GAB3: variants seen among roughly 807,000 people sequenced by gnomAD.
The protein encoded by GAB3 is GRB2 associated binding protein 3.
GAB3 carries 12 observed loss-of-function variants against 40.4 expected under a neutral mutation model. The ratio of observed to expected loss-of-function variants is 0.30; its 90% CI spans 0.19 to 0.48. The LOEUF (loss-of-function observed/expected upper bound fraction) is 0.48, where lower values mean the gene tolerates loss of function less well. Ranked by LOEUF, GAB3 falls within the 20% of genes least tolerant of loss-of-function variation. The pLI is 0.99. For missense variants in GAB3, 381 were observed against 461.9 expected (o/e 0.82, Z 1.61); for synonymous variants, 154 against 176.7 (o/e 0.87, Z 1.02).
chrX:154,721,886 C>A (rs2071138179), intron 1 of GAB3, among the ~76,000 whole-genome samples: 1 of 111,548 alleles, frequency 9.0e-6, no homozygotes, highest in South Asian at 3.7e-4. Flanking sequence ...AGACCTACCA[C>A]ATGACCCAGC....
chrX:154,712,361 G>C lies in GAB3; in HGVS notation c.937C>G (p.Pro313Ala), dbSNP rs2070963155. The C allele has an allele frequency of 6.6e-6, 8 of 1,209,958 alleles. No homozygotes were observed. The highest frequency in any genetic ancestry group is 2.2e-5 in the Admixed American group (1 of 45,789). The change falls in exon 4 of 10, where the codon CCT becomes GCT. Residue 313 changes from proline (P) to alanine (A), a missense_variant. Physicochemically the swap from Pro to Ala is conservative, Grantham distance 27. Transcript: ENST00000424127. ...IMSNTPPPRP[P>A]KPSHLSERRQ... ...CGTTCAGACAGATGGCTTGGCTTAG[G>C]GGGGCGGGGAGGTGGAGTGTTGGAC...
intron 8 of GAB3, among the ~76,000 whole-genome samples, chrX:154,687,138 G>C (rs1194818779): frequency 9.1e-6 from 1 of 110,390 alleles, no homozygotes; most frequent in Non-Finnish European, 1.9e-5. Flanking sequence ...GTTGCAGTGA[G>C]TCGAGATTGT....
intron 1 of GAB3, among the ~76,000 whole-genome samples, chrX:154,723,665 G>A (rs2071169699): frequency 9.0e-6 from 1 of 111,570 alleles, no homozygotes; most frequent in Admixed American, 9.5e-5. Context: ...CTGCTGGGTA[G>A]GTCATGAGCA....
chrX:154,708,865 C>A (rs782050462), intron 4 of GAB3, among the ~76,000 whole-genome samples: 2 of 111,916 alleles, frequency 1.8e-5, no homozygotes, highest in Non-Finnish European at 3.8e-5. Context: ...GGATACATAT[C>A]CAAAAGAAAT....
At chrX:154,725,692 T>C (rs2071202889) in intron 1 of GAB3, among the ~76,000 whole-genome samples, 2 of 111,020 alleles carry the variant, frequency 1.8e-5, no homozygotes, top group East Asian at 2.8e-4. Flanking sequence ...TTCATGTGTG[T>C]AGAGTGAAAC....
Position 154,676,023 on chromosome X carries a change from A to G in GAB3, c.*2155T>C, listed in dbSNP as rs2070291308. ...AAAATTCTGACCCCTATCGCCTTCCATACCTTTAATGTAGAGAGTGCCTAT... is the reference window on the plus strand; with the variant it reads ...AAAATTCTGACCCCTATCGCCTTCCGTACCTTTAATGTAGAGAGTGCCTAT... On this transcript the variant is annotated 3_prime_UTR_variant, in exon 10 of 10. Transcript: ENST00000424127. 8.9e-6 allele frequency: 1 copy of G among 112,108 alleles called. No homozygotes were observed. The highest frequency in any genetic ancestry group is 3.7e-4 in the South Asian group (1 of 2,698). 9.2% of individuals were successfully genotyped at this position (112,108 alleles called of 1,213,427 possible).
intron 1 of GAB3, among the ~76,000 whole-genome samples, chrX:154,731,193 G>A (rs1557259932): frequency 8.9e-6 from 1 of 112,181 alleles, no homozygotes; most frequent in Non-Finnish European, 1.9e-5. Flanking sequence ...AAACCTGGGA[G>A]GGTCACTAAT....
chrX:154,705,879 A>G (rs2070800239), intron 4 of GAB3, among the ~76,000 whole-genome samples: 1 of 112,297 alleles, frequency 8.9e-6, no homozygotes, highest in Non-Finnish European at 1.9e-5. Flanking sequence ...CTGATAAATG[A>G]ATTTAGTAAG....
At chrX:154,707,409 T>C (rs2070828359) in intron 4 of GAB3, among the ~76,000 whole-genome samples, 1 of 112,501 alleles carries the variant, frequency 8.9e-6, no homozygotes. Context: ...TTGATTTTAA[T>C]CATTCCATGA....
At chrX:154,691,936 A>T (rs972055772) in intron 8 of GAB3, among the ~76,000 whole-genome samples, 1 of 111,997 alleles carries the variant, frequency 8.9e-6, no homozygotes, top group Non-Finnish European at 1.9e-5. Flanking sequence ...TTTCCAACAA[A>T]TGGTGCTGGG....
At chrX:154,707,753 A>G (rs2070834320) in intron 4 of GAB3, among the ~76,000 whole-genome samples, 1 of 112,124 alleles carries the variant, frequency 8.9e-6, no homozygotes, top group African/African-American at 3.2e-5. Context: ...TGTTAAAGAA[A>G]AAACAAAGCT....
chrX:154,712,230 T>C lies in GAB3; in HGVS notation c.1068A>G (p.Lys356=). ...LSGLDNMRTW[K]ADVEGQSLRH... is the part of the protein sequence containing the mutation. ...TGAATCTTAGGACCCAACACTTACC[T>C]TTCCAGGTTCTCATGTTGTCTAAAC... is the stretch of plus-strand genomic sequence containing the variant. Residue 356 remains lysine (K), a splice_region_variant and synonymous_variant, in exon 4 of 10, where the codon AAA becomes AAG. Transcript: ENST00000424127. 8.5e-7 allele frequency: 1 copy of C among 1,176,474 alleles called. No individual in the cohort carries two copies. The highest frequency in any genetic ancestry group is 1.9e-5 in the South Asian group (1 of 52,681).
intron 3 of GAB3, 53 bp from the exon 4 acceptor site, chrX:154,712,754 C>A: frequency 1.3e-6 from 1 of 789,522 alleles, no homozygotes; most frequent in East Asian, 3.5e-5. Flanking sequence ...CCACCCACCA[C>A]AAAACCAACG....
chrX:154,748,347 C>T (rs782453016), intron 1 of GAB3, among the ~76,000 whole-genome samples: 16 of 111,128 alleles, frequency 1.4e-4, no homozygotes, highest in Non-Finnish European at 2.5e-4. Flanking sequence ...ACTCACTGAA[C>T]GGCTCACAGT....
chrX:154,706,204 T>G (rs1424185439), intron 4 of GAB3, among the ~76,000 whole-genome samples: 6 of 110,838 alleles, frequency 5.4e-5, no homozygotes, highest in African/African-American at 9.9e-5. Context: ...TCACCTTAGG[T>G]TGGGAGTTCG....
At chrX:154,748,255 A>T (rs2071558062) in intron 1 of GAB3, among the ~76,000 whole-genome samples, 1 of 112,026 alleles carries the variant, frequency 8.9e-6, no homozygotes, top group Non-Finnish European at 1.9e-5. Flanking sequence ...GAACAAAGCA[A>T]ATTGCAGGAC....
chrX:154,680,213 A>G lies in GAB3; in HGVS notation c.1566T>C (p.Gly522=). 8.3e-7 allele frequency: 1 copy of G among 1,208,781 alleles called. No homozygotes were observed. The highest frequency in any genetic ancestry group is 3.0e-5 in the East Asian group (1 of 33,701). The change falls in exon 9 of 10, where the codon GGT becomes GGC. Residue 522 remains glycine, a synonymous_variant. Coordinates refer to ENST00000424127, the MANE Select transcript of GAB3 (RefSeq NM_001081573.3). ...TGAATTTCTTTGTCCACGTAAGGGC[A>G]CCACTGCTCAGGGAACTGGCTGTTC... The part of the protein sequence containing the change: ...EHRTASSLSS[G]ALTWTKKFSL...
At chrX:154,714,167 C>T (rs2071008627) in intron 2 of GAB3, among the ~76,000 whole-genome samples, 1 of 110,846 alleles carries the variant, frequency 9.0e-6, no homozygotes, top group African/African-American at 3.3e-5. Flanking sequence ...ATGAGAACTC[C>T]AGATCAGAAA....
At position 154,678,131 on chromosome X, in the gene GAB3, T is replaced by C; in HGVS notation, c.*47A>G. On this transcript the variant is annotated 3_prime_UTR_variant, in exon 10 of 10. Transcript: ENST00000424127. ...AAAAAAAAAAAGAAAAAACTCAAAC[T>C]GAGCCCCAAGCTTCCCTGTTTCACA... 1 of 664,964 alleles carries C rather than the reference T, an allele frequency of 1.5e-6. No individual in the cohort carries two copies. The highest frequency in any genetic ancestry group is 2.3e-6 in the Non-Finnish European group (1 of 426,570). The allele number at this position is 664,964 out of a possible 1,213,427, so 54.8% of individuals were successfully genotyped here.
Sources: allele counts gnomAD v4.1 joint callset (sites outside exome capture counted in the v4.1 genomes callset), GRCh38; gene constraint gnomAD v4.1.1; transcripts MANE v1.5; gene names NCBI Gene and HGNC (gene_info 2026-07-23, HGNC 2026-07-21).